UBE2E1: variants seen among roughly 807,000 people sequenced by gnomAD.
UBE2E1 encodes the protein ubiquitin conjugating enzyme E2 E1, also known as ubiquitin-conjugating enzyme E2 E1.
Under a neutral mutation model 21.4 loss-of-function variants are expected in UBE2E1, and 6 were observed. That is an observed-to-expected ratio of 0.28 (90% CI 0.15 to 0.55). UBE2E1 has a LOEUF of 0.55. Ranked by LOEUF, UBE2E1 falls within the 20% of genes least tolerant of loss-of-function variation. The pLI is 0.93. For synonymous variants in UBE2E1, 87 were observed against 82.7 expected (o/e 1.05, Z -0.28); for missense variants, 142 against 236.5 (o/e 0.60, Z 2.62).
intron 3 of UBE2E1, among the ~76,000 whole-genome samples, chr3:23,861,830 G>C (rs2125313902): frequency 6.6e-6 from 1 of 152,326 alleles, no homozygotes; most frequent in South Asian, 2.1e-4. Context: ...TCTGCTGAGA[G>C]CTGCTTCCAC....
At chr3:23,866,972 C>G (rs1700670032) in intron 3 of UBE2E1, among the ~76,000 whole-genome samples, 1 of 151,992 alleles carries the variant, frequency 6.6e-6, no homozygotes, top group Non-Finnish European at 1.5e-5. Context: ...AAATATATCA[C>G]CTTAAGAAAA....
chr3:23,872,180 G>A (rs993340942), intron 3 of UBE2E1, among the ~76,000 whole-genome samples: 4 of 152,268 alleles, frequency 2.6e-5, no homozygotes, highest in Non-Finnish European at 4.4e-5. Context: ...AGACCAGCCC[G>A]GCCAACACAG....
chr3:23,862,411 CCTT>C (rs1456742243), intron 3 of UBE2E1, among the ~76,000 whole-genome samples: 1 of 152,148 alleles, frequency 6.6e-6, no homozygotes, highest in South Asian at 2.1e-4. Flanking sequence ...CACTGTGAAA[CCTT>C]CTCAGTTTTC....
chr3:23,879,585 A>C, intron 3 of UBE2E1: 1 of 257,684 alleles, frequency 3.9e-6, no homozygotes, highest in Non-Finnish European at 7.9e-6. Flanking sequence ...CTATAAGACT[A>C]ACCATCCTTC....
At chr3:23,814,927 A>C (rs1029641386) in intron 3 of UBE2E1, among the ~76,000 whole-genome samples, 2 of 152,348 alleles carry the variant, frequency 1.3e-5, no homozygotes, top group Admixed American at 6.5e-5. Context: ...TTTTAGGATA[A>C]AATGTCTGAA....
chr3:23,809,655 C>G (rs1699344158), intron 2 of UBE2E1, among the ~76,000 whole-genome samples: 1 of 152,192 alleles, frequency 6.6e-6, no homozygotes, highest in Non-Finnish European at 1.5e-5. Context: ...AAAGAAACAA[C>G]TACCTTTTTT....
In UBE2E1 at chr3:23,842,242, T is replaced by TGTGTGG. The variant is rs1559482444; in HGVS notation, c.203+30737_203+30738insGGTGTG. ...GTGTGTGTGTGTGTGTGTGTGTGTG[T>TGTGTGG]GTGTGTGGTGTTGTTGTTGTTGGCG... On this transcript the variant is annotated intron_variant, in intron 3 of 5. Coordinates refer to ENST00000306627, the MANE Select transcript of UBE2E1 (RefSeq NM_003341.5). The surrounding 1 kb of genome is among the most constrained non-coding windows in gnomAD (Gnocchi z 4.6). Among the ~76,000 whole-genome samples, 32 of 66,178 alleles carry TGTGTGG rather than the reference T, an allele frequency of 4.8e-4. No individual in the cohort carries two copies. Among genetic ancestry groups the TGTGTGG allele is most frequent in the Middle Eastern group, 0.013 (2 of 152 alleles). 43.4% of individuals were successfully genotyped at this position (66,178 alleles called of 152,430 possible). A position where few individuals can be genotyped will look rare whatever the true frequency, so the allele number is the denominator to read the frequency against.
At chr3:23,882,407 C>T (rs1401870472) in intron 3 of UBE2E1, among the ~76,000 whole-genome samples, 2 of 152,264 alleles carry the variant, frequency 1.3e-5, no homozygotes, top group South Asian at 2.1e-4. Flanking sequence ...CATTTACAAT[C>T]CTCCAGCTAG....
intron 3 of UBE2E1, among the ~76,000 whole-genome samples, chr3:23,856,622 G>A (rs1011274283): frequency 2.0e-5 from 3 of 152,032 alleles, no homozygotes; most frequent in African/African-American, 7.2e-5. Context: ...TGGACCTCAC[G>A]TATCTAAACC....
At chr3:23,831,275 C>T (rs997806816) in intron 3 of UBE2E1, among the ~76,000 whole-genome samples, 18 of 152,264 alleles carry the variant, frequency 1.2e-4, no homozygotes, top group Middle Eastern at 3.4e-3. Context: ...ACTCCAAGTG[C>T]GCTTTATTTT....
At position 23,890,704 on chromosome 3, in the gene UBE2E1, G is replaced by T; in HGVS notation, c.*98G>T. The T allele has an allele frequency of 1.9e-6, 2 of 1,070,734 alleles. No homozygotes were observed. The highest frequency in any genetic ancestry group is 2.9e-5 in the Admixed American group (1 of 34,914). 66.3% of individuals were successfully genotyped at this position (1,070,734 alleles called of 1,614,324 possible). ...GGAGGGTGGGAGTTGGTAAAGAGTAGGGTATTTCTATAACAGATATTATTC... is the reference window on the plus strand; with the variant it reads ...GGAGGGTGGGAGTTGGTAAAGAGTATGGTATTTCTATAACAGATATTATTC... On this transcript the variant is annotated 3_prime_UTR_variant, in exon 6 of 6. Transcript: ENST00000306627.
chr3:23,864,895 G>T (rs1257523727), intron 3 of UBE2E1, among the ~76,000 whole-genome samples: 1 of 152,240 alleles, frequency 6.6e-6, no homozygotes, highest in East Asian at 1.9e-4. Context: ...TGTCCTGCAT[G>T]CATAAGCTCT....
chr3:23,834,535 C>G (rs1699937828), intron 3 of UBE2E1, among the ~76,000 whole-genome samples: 1 of 152,172 alleles, frequency 6.6e-6, no homozygotes, highest in Non-Finnish European at 1.5e-5. Flanking sequence ...CCCTGAACAG[C>G]ACTGCTAGCT....
Position 23,863,054 on chromosome 3 carries a change from TAAAAAA to T in UBE2E1, c.204-24501_204-24496del, listed in dbSNP as rs11318221. ...AAGGCTTTAATATTTCTTTGTTTGT[TAAAAAA>T]AAAAAAAAAAACTATTCCCAGCATT... On this transcript the variant is annotated intron_variant, in intron 3 of 5. Coordinates refer to ENST00000306627, the MANE Select transcript of UBE2E1 (RefSeq NM_003341.5). The surrounding 1 kb of genome is among the most constrained non-coding windows in gnomAD (Gnocchi z 4.3). 5.4e-5 allele frequency among the ~76,000 whole-genome samples: 8 copies of T among 147,386 alleles called. No individual in the cohort carries two copies. The highest frequency in any genetic ancestry group is 9.0e-5 in the Non-Finnish European group (6 of 66,896).
intron 3 of UBE2E1, among the ~76,000 whole-genome samples, chr3:23,857,811 G>A (rs1700473765): frequency 6.6e-6 from 1 of 152,196 alleles, no homozygotes. Flanking sequence ...AGAGGTGCCA[G>A]TAGGCTATGA....
chr3:23,808,355 AC>A lies in UBE2E1; in HGVS notation c.152+935del. The stretch of plus-strand genomic sequence containing the variant: ...TTAGTGGATTCCTAGGAGCTCTGAG[AC>A]ACCCTTTCATAAATCCTTCTGCTCT... On this transcript the variant is annotated intron_variant, in intron 2 of 5. Coordinates refer to ENST00000306627, the MANE Select transcript of UBE2E1 (RefSeq NM_003341.5). This position sits in a 1 kb window ranked among gnomAD's most constrained non-coding sequence, Gnocchi z 4.9. 6.6e-6 allele frequency among the ~76,000 whole-genome samples: 1 copy of A among 152,260 alleles called. No homozygotes were observed. Among genetic ancestry groups the A allele is most frequent in the South Asian group, 2.1e-4 (1 of 4,824 alleles).
At chr3:23,850,976 A>G (rs951063622) in intron 3 of UBE2E1, among the ~76,000 whole-genome samples, 9 of 151,548 alleles carry the variant, frequency 5.9e-5, no homozygotes, top group Admixed American at 2.0e-4. Context: ...ATGAGCCACC[A>G]TGCCCAGCCT....
At chr3:23,813,527 A>C (rs1699447076) in intron 3 of UBE2E1, among the ~76,000 whole-genome samples, 1 of 151,708 alleles carries the variant, frequency 6.6e-6, no homozygotes, top group Admixed American at 6.6e-5. Flanking sequence ...ATAAAGATGG[A>C]TTATTTATTT....
chr3:23,845,891 G>A (rs371162547), intron 3 of UBE2E1, among the ~76,000 whole-genome samples: 1 of 152,004 alleles, frequency 6.6e-6, no homozygotes, highest in African/African-American at 2.4e-5. Context: ...TAGTTTTCAC[G>A]TGTCATAAAA....
Sources: gnomAD v4.1 joint callset for allele counts (sites outside exome capture counted in the v4.1 genomes callset) on GRCh38, gnomAD v4.1.1 for gene constraint, Gnocchi (gnomAD v3.1) non-coding constraint, MANE v1.5 for transcripts, NCBI Gene and HGNC (gene_info 2026-07-23, HGNC 2026-07-21) for gene names.